The following TEX9 variants were observed in gnomAD, a reference collection of about 807,000 sequenced individuals.
TEX9 encodes testis expressed 9.
TEX9 carries 74 observed loss-of-function variants against 59.6 expected under a neutral mutation model. The ratio of observed to expected loss-of-function variants is 1.24; its 90% CI spans 1.03 to 1.51. The LOEUF (loss-of-function observed/expected upper bound fraction) is 1.51. TEX9 is among the 40% of genes most tolerant of loss of function. The pLI, the probability that TEX9 is intolerant of heterozygous loss-of-function variation, is 0.00. For missense variants in TEX9, 522 were observed against 447.8 expected (o/e 1.17, Z -1.49); for synonymous variants, 186 against 152.2 (o/e 1.22, Z -1.64).
intron 1 of TEX9, among the ~76,000 whole-genome samples, chr15:56,267,551 G>T (rs1240642056): frequency 1.3e-5 from 2 of 152,164 alleles, no homozygotes; most frequent in Non-Finnish European, 2.9e-5. Flanking sequence ...CATATGGCTA[G>T]CCAGTTTTCC....
intron 1 of TEX9, chr15:56,323,462 A>G: frequency 5.8e-6 from 1 of 172,258 alleles, no homozygotes; most frequent in Admixed American, 6.4e-5. Flanking sequence ...ATTGGTGATG[A>G]GGCAAAGGAA....
At chr15:56,331,794 C>G (rs1293225417) in intron 1 of TEX9, among the ~76,000 whole-genome samples, 4 of 151,490 alleles carry the variant, frequency 2.6e-5, no homozygotes, top group African/African-American at 7.3e-5. Context: ...ACAACCCCAT[C>G]AAAAAGTGGG....
chr15:56,385,582 GAAAT>G (rs2047923637), intron 4 of TEX9, among the ~76,000 whole-genome samples: 1 of 152,072 alleles, frequency 6.6e-6, no homozygotes, highest in African/African-American at 2.4e-5. Context: ...GTCAGGTGAA[GAAAT>G]AAATAAATAA....
chr15:56,453,441 A>G, the TEX9 span, among the ~76,000 whole-genome samples: 2 of 152,182 alleles, frequency 1.3e-5, no homozygotes, highest in Admixed American at 1.3e-4. Flanking sequence ...TTTATGAATT[A>G]ACAGCTTGAT....
chr15:56,257,968 A>G (rs373727134), intron 1 of TEX9, among the ~76,000 whole-genome samples: 1 of 152,042 alleles, frequency 6.6e-6, no homozygotes, highest in Non-Finnish European at 1.5e-5. Flanking sequence ...ATTTTTGTAT[A>G]TGGTATAAGG....
intron 1 of TEX9, among the ~76,000 whole-genome samples, chr15:56,283,049 G>GGGGTGT (rs140785812): frequency 5.4e-5 from 8 of 148,552 alleles, no homozygotes; most frequent in East Asian, 2.0e-4. Flanking sequence ...TACATTGTGT[G>GGGGTGT]GTGTGTGTGT....
At chr15:56,277,987 T>C (rs1483006275) in intron 1 of TEX9, among the ~76,000 whole-genome samples, 1 of 152,134 alleles carries the variant, frequency 6.6e-6, no homozygotes, top group Non-Finnish European at 1.5e-5. Flanking sequence ...CCTTTTTATT[T>C]CTTTGGTTTC....
At chr15:56,447,198 T>C (rs2050912055), downstream of TEX9, 1 of 286,102 alleles carries the variant, frequency 3.5e-6, no homozygotes, top group African/African-American at 2.2e-5. Flanking sequence ...AATACCACAC[T>C]ATCTCAACTG....
chr15:56,301,312 G>A (rs562119396), intron 1 of TEX9, among the ~76,000 whole-genome samples: 9 of 152,128 alleles, frequency 5.9e-5, no homozygotes, highest in Admixed American at 2.0e-4. Flanking sequence ...AAAGAAAAGC[G>A]AATGAAGCAT....
At chr15:56,303,874 T>A (rs569659810) in intron 1 of TEX9, among the ~76,000 whole-genome samples, 108 of 152,198 alleles carry the variant, frequency 7.1e-4, no homozygotes, top group Non-Finnish European at 1.3e-3. Flanking sequence ...AGCAAGTATA[T>A]GCCAATAAAT....
chr15:56,258,108 A>G (rs150091062), intron 1 of TEX9, among the ~76,000 whole-genome samples: 90 of 151,726 alleles, frequency 5.9e-4, no homozygotes, highest in Non-Finnish European at 8.3e-4. Flanking sequence ...TAAGTGTGTG[A>G]TCTTATTTCT....
chr15:56,290,835 G>A (rs1466227756), intron 1 of TEX9, among the ~76,000 whole-genome samples: 2 of 151,052 alleles, frequency 1.3e-5, no homozygotes, highest in Non-Finnish European at 2.9e-5. Flanking sequence ...TTCTTTAATA[G>A]GCTCTTGAGC....
chr15:56,342,250 A>G (rs898344243), intron 1 of TEX9, among the ~76,000 whole-genome samples: 6 of 152,132 alleles, frequency 3.9e-5, no homozygotes, highest in African/African-American at 9.7e-5. Context: ...ACATTTCACA[A>G]TAAGCTTTTG....
intron 2 of TEX9, among the ~76,000 whole-genome samples, chr15:56,366,731 A>C (rs1363595253): frequency 6.6e-6 from 1 of 152,204 alleles, no homozygotes; most frequent in African/African-American, 2.4e-5. Context: ...ATTTGGAAAT[A>C]GTTGGCAGTT....
chr15:56,326,545 T>G (rs1331258432), intron 1 of TEX9, among the ~76,000 whole-genome samples: 1 of 152,172 alleles, frequency 6.6e-6, no homozygotes, highest in Non-Finnish European at 1.5e-5. Flanking sequence ...TTTGGGTATG[T>G]CCAGAAGCAG....
chr15:56,252,739 T>A lies in TEX9; in HGVS notation c.-107+8461T>A, dbSNP rs545100370. 1.6e-4 allele frequency among the ~76,000 whole-genome samples: 25 copies of A among 152,070 alleles called. 1 individual carries two copies. The highest frequency in any genetic ancestry group is 1.0e-3 in the South Asian group (5 of 4,820). On this transcript the variant is annotated intron_variant, in intron 1 of 5. Coordinates refer to the TEX9 transcript ENST00000560827. Reference sequence around the variant, plus strand: ...GGCTTGAGGCTGACCCTCATGGAGATCCCCCGGGCTTCCAAATTTAGAGTC... The same window carrying A: ...GGCTTGAGGCTGACCCTCATGGAGAACCCCCGGGCTTCCAAATTTAGAGTC...
intron 2 of TEX9, among the ~76,000 whole-genome samples, chr15:56,367,146 T>C (rs2046982715): frequency 6.6e-6 from 1 of 152,206 alleles, no homozygotes; most frequent in Non-Finnish European, 1.5e-5. Flanking sequence ...TATTATTGTA[T>C]TCTAGCACGA....
chr15:56,460,009 A>AAAAAAAAAAAAAAATATATATATATAT, the TEX9 span, among the ~76,000 whole-genome samples: 3 of 26,386 alleles, frequency 1.1e-4, no homozygotes, highest in African/African-American at 3.0e-4. Flanking sequence ...AAAAAAAAAA[A>AAAAAAAAAAAAAAATATATATATATAT]ATACATATAT....
At chr15:56,460,009 A>AAAAAAAAAAAAAAAT in the TEX9 span, among the ~76,000 whole-genome samples, 49 of 26,384 alleles carry the variant, frequency 1.9e-3, 14 homozygotes, top group African/African-American at 6.5e-3. Flanking sequence ...AAAAAAAAAA[A>AAAAAAAAAAAAAAAT]ATACATATAT....
Sources: allele counts gnomAD v4.1 joint callset (sites outside exome capture counted in the v4.1 genomes callset), GRCh38; gene constraint gnomAD v4.1.1; transcripts MANE v1.5; gene names NCBI Gene and HGNC (gene_info 2026-07-23, HGNC 2026-07-21).